RBM20: variants seen among roughly 807,000 people sequenced by gnomAD.
RBM20 encodes RNA-binding protein 20.
A neutral mutation model predicts 110.1 loss-of-function variants in RBM20; 51 were observed. The ratio of observed to expected loss-of-function variants is 0.46; its 90% CI spans 0.37 to 0.59. The LOEUF is 0.59. Ranked by LOEUF, RBM20 falls within the 20% of genes least tolerant of loss-of-function variation. The pLI, the probability that RBM20 is intolerant of heterozygous loss-of-function variation, is 0.00. For missense variants in RBM20, 1,512 were observed against 1,574.9 expected, an observed-to-expected ratio of 0.96 and a Z score of 0.68; for synonymous variants, 589 against 618.2, an observed-to-expected ratio of 0.95 and a Z score of 0.70.
intron 1 of RBM20, among the ~76,000 whole-genome samples, chr10:110,705,651 G>A (rs536310963): frequency 2.6e-4 from 39 of 152,322 alleles, no homozygotes; most frequent in South Asian, 8.3e-4. Context: ...TTATGAAAGC[G>A]TAAGTAATAC....
chr10:110,695,391 G>T (rs1053385330), intron 1 of RBM20, among the ~76,000 whole-genome samples: 1 of 152,196 alleles, frequency 6.6e-6, no homozygotes, highest in Non-Finnish European at 1.5e-5. Context: ...TCGGAAGGTG[G>T]CTCCTGCCTG....
At chr10:110,692,879 A>G (rs75609889) in intron 1 of RBM20, among the ~76,000 whole-genome samples, 26,123 of 152,036 alleles carry the variant, frequency 0.17, 2,503 homozygotes, top group East Asian at 0.31. Context: ...ACCATTGAGT[A>G]TGATGTTAGC....
At chr10:110,675,121 G>A (rs1268467461) in intron 1 of RBM20, among the ~76,000 whole-genome samples, 2 of 152,178 alleles carry the variant, frequency 1.3e-5, no homozygotes, top group African/African-American at 4.8e-5. Flanking sequence ...GTGTTTGGGG[G>A]AGACTTCATG....
chr10:110,833,946 TAAATC>T (rs1393056214), intron 13 of RBM20, among the ~76,000 whole-genome samples: 9 of 152,160 alleles, frequency 5.9e-5, no homozygotes, highest in Non-Finnish European at 7.4e-5. Context: ...GGCTGACACT[TAAATC>T]AGGCAACTTT....
intron 1 of RBM20, among the ~76,000 whole-genome samples, chr10:110,766,240 A>G (rs1844080622): frequency 6.6e-6 from 1 of 152,240 alleles, no homozygotes; most frequent in African/African-American, 2.4e-5. Flanking sequence ...TGGCACATGC[A>G]AATGTGATGA....
intron 1 of RBM20, among the ~76,000 whole-genome samples, chr10:110,684,418 AC>A (rs1268353710): frequency 1.2e-4 from 18 of 151,616 alleles, no homozygotes; most frequent in East Asian, 1.9e-4. Flanking sequence ...ACAAAACAAA[AC>A]AAAACAAAAG....
intron 9 of RBM20, 144 bp downstream of exon 9, chr10:110,813,091 T>C: frequency 1.7e-6 from 1 of 603,204 alleles, no homozygotes. Flanking sequence ...CAAGACACTT[T>C]ATCTCAATGA....
intron 6 of RBM20, 120 bp downstream of exon 6, chr10:110,797,768 T>A: frequency 2.8e-6 from 3 of 1,069,856 alleles, no homozygotes; most frequent in Non-Finnish European, 4.0e-6. Context: ...GTAGCTGGCC[T>A]TCTGTTGGCA....
chr10:110,739,603 C>G lies in RBM20; in HGVS notation c.192-41198C>G. On this transcript the variant is annotated intron_variant, in intron 1 of 13. Coordinates refer to ENST00000369519, the MANE Select transcript of RBM20 (RefSeq NM_001134363.3). The surrounding 1 kb of genome is among the most constrained non-coding windows in gnomAD (Gnocchi z 4.1). The stretch of plus-strand genomic sequence containing the variant: ...ACAGCCTTCCAGAAAGAACTCAACT[C>G]GAGGACTGACGTGGTGGTGGAAGGC... Among the ~76,000 whole-genome samples the G allele has an allele frequency of 6.6e-6, 1 of 152,176 alleles. No homozygotes were observed. Among genetic ancestry groups the G allele is most frequent in the East Asian group, 1.9e-4 (1 of 5,204 alleles).
chr10:110,808,381 G>A (rs7079360), intron 7 of RBM20, among the ~76,000 whole-genome samples: 2,565 of 152,346 alleles, frequency 0.017, 66 homozygotes, highest in African/African-American at 0.056. Flanking sequence ...GGAGGCCAGT[G>A]CAAGTCTTGG....
intron 11 of RBM20, 26 bp from the exon 12 acceptor site, chr10:110,823,454 T>G: frequency 3.5e-6 from 3 of 846,510 alleles, no homozygotes; most frequent in Non-Finnish European, 4.6e-6. Flanking sequence ...TTTTTTTTTT[T>G]TTTTGCCTTG....
chr10:110,755,573 G>T (rs1174037351), intron 1 of RBM20, among the ~76,000 whole-genome samples: 1 of 152,118 alleles, frequency 6.6e-6, no homozygotes, highest in Non-Finnish European at 1.5e-5. Flanking sequence ...TAATAATTGT[G>T]TTATGTGTCT....
At chr10:110,831,212 C>G in intron 13 of RBM20, 30 bp downstream of exon 13, 1 of 1,545,800 alleles carries the variant, frequency 6.5e-7, no homozygotes, top group Non-Finnish European at 8.8e-7. Flanking sequence ...GCCCAGCATG[C>G]CAGGGGCTCC....
chr10:110,656,778 C>T (rs1366817709), intron 1 of RBM20, among the ~76,000 whole-genome samples: 11 of 152,200 alleles, frequency 7.2e-5, no homozygotes, highest in Non-Finnish European at 1.6e-4. Context: ...CAAGGTTCAT[C>T]CATACTGTGT....
chr10:110,837,167 C>G lies in RBM20; in HGVS notation c.*1189C>G, dbSNP rs1845142509. 6.6e-6 allele frequency: 1 copy of G among 152,216 alleles called. No individual in the cohort carries two copies. The highest frequency in any genetic ancestry group is 2.4e-5 in the African/African-American group (1 of 41,436). The allele number at this position is 152,216 out of a possible 1,614,324, so 9.4% of individuals were successfully genotyped here. A position where few individuals can be genotyped will look rare whatever the true frequency, so the allele number is the denominator to read the frequency against. On this transcript the variant is annotated 3_prime_UTR_variant, in exon 14 of 14. Transcript: ENST00000369519. ...GTGTCTGTAGGTGGACCCTTTCCAG[C>G]TGGGCAGATAGTTGAGGGCTCCCTG...
At chr10:110,766,314 T>G (rs1163834623) in intron 1 of RBM20, among the ~76,000 whole-genome samples, 3 of 137,758 alleles carry the variant, frequency 2.2e-5, no homozygotes, top group African/African-American at 2.8e-5. Context: ...AGTAACTTTG[T>G]TTTTTTTTTT....
rs1171998910 is a variant in RBM20 at position 110,838,946 on chromosome 10, T to C, written c.*2968T>C. On this transcript the variant is annotated 3_prime_UTR_variant, in exon 14 of 14. Coordinates refer to ENST00000369519, the MANE Select transcript of RBM20 (RefSeq NM_001134363.3). ...TCTATGTGTGCCACACACAATGCAG[T>C]ATTAATGGCAACCAGGTAAATATTG... is the stretch of plus-strand genomic sequence containing the variant. 1 of 152,384 alleles carries C rather than the reference T, an allele frequency of 6.6e-6. No homozygotes were observed. The highest frequency in any genetic ancestry group is 2.4e-5 in the African/African-American group (1 of 41,596). 9.4% of individuals were successfully genotyped at this position (152,384 alleles called of 1,614,324 possible).
chr10:110,781,820 G>T lies in RBM20; in HGVS notation c.1211G>T (p.Gly404Val). 1 of 1,551,788 alleles carries T rather than the reference G, an allele frequency of 6.4e-7. No homozygotes were observed. The highest frequency in any genetic ancestry group is 8.7e-7 in the Non-Finnish European group (1 of 1,147,028). The change falls in exon 2 of 14, where the codon GGT (glycine) becomes GTT (valine). Residue 404 changes from glycine to valine, a missense_variant. Physicochemically the swap from Gly to Val is moderately radical, Grantham distance 109. Transcript: ENST00000369519. ...GCTCATGAGCTGAACGACTTTCACG[G>T]TGTGGCCCCCCTCCACTTGCCGCAT... Reference protein sequence around the residue: ...LQAHELNDFHGVAPLHLPHIC... With the variant: ...LQAHELNDFHVVAPLHLPHIC...
At chr10:110,784,138 T>G (rs1390720282) in intron 3 of RBM20, among the ~76,000 whole-genome samples, 1 of 152,282 alleles carries the variant, frequency 6.6e-6, no homozygotes, top group Admixed American at 6.5e-5. Flanking sequence ...GTTTATCCAT[T>G]CATCTTTTGA....
Sources: gnomAD v4.1 joint callset for allele counts (sites outside exome capture counted in the v4.1 genomes callset) on GRCh38, gnomAD v4.1.1 for gene constraint, Gnocchi (gnomAD v3.1) non-coding constraint, MANE v1.5 for transcripts, NCBI Gene and HGNC (gene_info 2026-07-23, HGNC 2026-07-21) for gene names.